Variants in ZFHX3 observed in about 807,000 individuals in gnomAD.
ZFHX3 encodes zinc finger homeobox protein 3.
In ZFHX3, 42 loss-of-function variants were observed where a neutral mutation model predicts 279.1. The observed-to-expected ratio is 0.15, with a 90% CI of 0.12 to 0.19. The LOEUF (loss-of-function observed/expected upper bound fraction) is 0.19, where lower values mean the gene tolerates loss of function less well. Ranked by LOEUF, ZFHX3 falls within the 10% of genes least tolerant of loss-of-function variation. The pLI, the probability that ZFHX3 is intolerant of heterozygous loss-of-function variation, is 1.00. For synonymous variants in ZFHX3, 2,293 were observed against 1,957.8 expected (o/e 1.17, Z -4.52); for missense variants, 4,981 against 4,754.0 (o/e 1.05, Z -1.40).
At chr16:73,572,418 T>C (rs914988832) in intron 2 of ZFHX3, among the ~76,000 whole-genome samples, 46 of 152,192 alleles carry the variant, frequency 3.0e-4, no homozygotes, top group Non-Finnish European at 3.2e-4. Flanking sequence ...TTCCACACAC[T>C]TCTCAGACCC....
Position 73,795,182 on chromosome 16 carries a change from G to T in ZFHX3, c.-1608+96469C>A, listed in dbSNP as rs116042134. Among the ~76,000 whole-genome samples the T allele has an allele frequency of 5.9e-3, 899 of 152,284 alleles. 7 individuals carry two copies. Among genetic ancestry groups the T allele is most frequent in the African/African-American group, 0.02 (848 of 41,562 alleles). The stretch of plus-strand genomic sequence containing the variant: ...GACCGCAGCCAGGAGTCTGGGAGGA[G>T]GATCAAATACCCTGAGCATCTGGCT... On this transcript the variant is annotated intron_variant, in intron 1 of 17. Transcript: ENST00000641206.
intron 2 of ZFHX3, among the ~76,000 whole-genome samples, chr16:73,653,152 A>G (rs1050327869): frequency 1.2e-4 from 18 of 152,316 alleles, no homozygotes; most frequent in Admixed American, 9.8e-4. Context: ...TAAAGATTTA[A>G]TCTACACTTG....
intron 1 of ZFHX3, among the ~76,000 whole-genome samples, chr16:73,815,001 G>A (rs1014600382): frequency 1.4e-4 from 21 of 152,066 alleles, no homozygotes; most frequent in African/African-American, 4.3e-4. Flanking sequence ...CTTAAAAGTA[G>A]GGTGATAATC....
At position 72,795,239 on chromosome 16, in the gene ZFHX3, T is replaced by C. The variant is rs2035862443; in HGVS notation, c.7443A>G (p.Pro2481=). 1 of 1,609,698 alleles carries C rather than the reference T, an allele frequency of 6.2e-7. No individual in the cohort carries two copies. The highest frequency in any genetic ancestry group is 8.5e-7 in the Non-Finnish European group (1 of 1,177,860). ...GAGGGGGCGCTTGTGGAGGAGGCTGTGGCAACGAAGGCAGGGACACCAGCT... is the reference window on the plus strand; with the variant it reads ...GAGGGGGCGCTTGTGGAGGAGGCTGCGGCAACGAAGGCAGGGACACCAGCT... ...LPQLVSLPSL[P]QPPPQAPPPQ... is the part of the protein sequence containing the mutation. Residue 2481 remains proline, a synonymous_variant, in exon 9 of 10, where the codon CCA becomes CCG. Transcript: ENST00000268489.
chr16:73,088,016 T>A (rs1435215834), intron 8 of ZFHX3, among the ~76,000 whole-genome samples: 3 of 152,036 alleles, frequency 2.0e-5, no homozygotes, highest in Non-Finnish European at 4.4e-5. Context: ...TTAGTAGAGA[T>A]GGGGTTTCTC....
At chr16:73,093,161 A>G (rs1422529674) in intron 8 of ZFHX3, 4 of 519,826 alleles carry the variant, frequency 7.7e-6, no homozygotes, top group South Asian at 2.8e-5. Context: ...ACGAGCCCTC[A>G]CCTCCAGCAG....
intron 3 of ZFHX3, among the ~76,000 whole-genome samples, chr16:73,334,984 T>G (rs1197722580): frequency 6.6e-6 from 1 of 151,980 alleles, no homozygotes; most frequent in Non-Finnish European, 1.5e-5. Flanking sequence ...AGCAGCTCTA[T>G]TCATGGCCAA....
chr16:73,147,757 C>G (rs1966873338), intron 5 of ZFHX3, among the ~76,000 whole-genome samples: 1 of 148,454 alleles, frequency 6.7e-6, no homozygotes, highest in African/African-American at 2.5e-5. Flanking sequence ...GTAGTCCCAG[C>G]TATTCCGGAG....
At chr16:73,035,027 T>G (rs1273881486) in intron 1 of ZFHX3, among the ~76,000 whole-genome samples, 2 of 152,166 alleles carry the variant, frequency 1.3e-5, no homozygotes, top group Non-Finnish European at 2.9e-5. Context: ...CAGCAATCTT[T>G]TATTCCAGAG....
At chr16:73,496,485 C>T (rs546569709) in intron 2 of ZFHX3, among the ~76,000 whole-genome samples, 34 of 152,292 alleles carry the variant, frequency 2.2e-4, no homozygotes, top group Non-Finnish European at 4.6e-4. Flanking sequence ...GAGCCAAGAT[C>T]GTGCCACTGC....
intron 2 of ZFHX3, among the ~76,000 whole-genome samples, chr16:73,599,732 T>TAA (rs67036720): frequency 0.62 from 88,767 of 144,156 alleles, 31,811 homozygotes; most frequent in East Asian, 0.95. Flanking sequence ...AAAATGTCAT[T>TAA]AAAAAAAAAA....
At chr16:73,159,753 G>A (rs1164619145) in intron 5 of ZFHX3, among the ~76,000 whole-genome samples, 1 of 152,056 alleles carries the variant, frequency 6.6e-6, no homozygotes, top group Non-Finnish European at 1.5e-5. Context: ...CTTTAAGCTC[G>A]ATTATTATAT....
chr16:73,256,095 A>G (rs954965744), intron 5 of ZFHX3, among the ~76,000 whole-genome samples: 3 of 152,204 alleles, frequency 2.0e-5, no homozygotes, highest in African/African-American at 7.2e-5. Flanking sequence ...AGGGAGTGAC[A>G]CAGACTGACA....
Position 73,288,276 on chromosome 16 carries a change from A to T in ZFHX3, c.-1194+29964T>A, listed in dbSNP as rs528078100. Among the ~76,000 whole-genome samples, 4 of 152,226 alleles carry T rather than the reference A, an allele frequency of 2.6e-5. No individual in the cohort carries two copies. In the South Asian group the frequency reaches 8.3e-4, roughly 32 times the overall value. ...GCAGCCAGAATTATTTCTCAAATAA[A>T]AATCCGGCCAGGGGATTGCAGGCTC... On this transcript the variant is annotated intron_variant, in intron 4 of 17. Transcript: ENST00000641206.
chr16:73,819,809 T>C (rs1187786967), intron 1 of ZFHX3, among the ~76,000 whole-genome samples: 1 of 152,146 alleles, frequency 6.6e-6, no homozygotes, highest in African/African-American at 2.4e-5. Context: ...CTTAGTCCAA[T>C]GGACTAATGC....
intron 2 of ZFHX3, among the ~76,000 whole-genome samples, chr16:73,634,359 G>C (rs918105314): frequency 4.0e-5 from 6 of 150,378 alleles, no homozygotes; most frequent in Admixed American, 4.0e-4. Flanking sequence ...ATTTAAGAGA[G>C]GAGTTTAGGG....
chr16:73,356,325 C>T (rs774079091), intron 3 of ZFHX3, among the ~76,000 whole-genome samples: 3 of 150,616 alleles, frequency 2.0e-5, no homozygotes, highest in Non-Finnish European at 4.5e-5. Context: ...GTTCTTCCTG[C>T]AGTCTCATGT....
At chr16:73,835,200 G>A (rs150579335) in intron 1 of ZFHX3, among the ~76,000 whole-genome samples, 58 of 152,246 alleles carry the variant, frequency 3.8e-4, no homozygotes, top group African/African-American at 1.4e-3. Flanking sequence ...TGTGAGATGG[G>A]GAAGTAAATT....
In ZFHX3 at chr16:73,187,866, CT is replaced by C. The variant is rs201453864; in HGVS notation, c.-1103-44036del. ...GGCTTTATAATGCAAAAGTTTGGAA[CT>C]TTTTTTTTTGAGACGGAGTCTCGCT... On this transcript the variant is annotated intron_variant, in intron 5 of 17. Transcript: ENST00000641206. Among the ~76,000 whole-genome samples, 43 of 150,456 alleles carry C rather than the reference CT, an allele frequency of 2.9e-4. 1 individual carries two copies. The highest frequency in any genetic ancestry group is 2.8e-4 in the Non-Finnish European group (19 of 67,398).
Sources: gnomAD v4.1 joint callset for allele counts (sites outside exome capture counted in the v4.1 genomes callset) on GRCh38, gnomAD v4.1.1 for gene constraint, MANE v1.5 for transcripts, NCBI Gene and HGNC (gene_info 2026-07-23, HGNC 2026-07-21) for gene names.